Variants in CTNNA3 observed in about 807,000 individuals in gnomAD.
The protein encoded by CTNNA3 is catenin alpha 3.
Under a neutral mutation model 95.7 loss-of-function variants are expected in CTNNA3, and 76 were observed. The ratio of observed to expected loss-of-function variants is 0.79; its 90% CI spans 0.66 to 0.96. The LOEUF (loss-of-function observed/expected upper bound fraction) is 0.96, where lower values mean the gene tolerates loss of function less well. Ranked by LOEUF, CTNNA3 falls within the 40% of genes least tolerant of loss-of-function variation. The pLI is 0.00. For missense variants in CTNNA3, 1,191 were observed against 1,089.8 expected (o/e 1.09, Z -1.31); for synonymous variants, 431 against 374.4 (o/e 1.15, Z -1.74).
At chr10:67,478,317 G>A (rs1172192539) in intron 5 of CTNNA3, among the ~76,000 whole-genome samples, 2 of 152,092 alleles carry the variant, frequency 1.3e-5, no homozygotes, top group African/African-American at 2.4e-5. Flanking sequence ...GACATCTCTA[G>A]CAAGATGTAT....
At chr10:67,759,751 TG>T (rs1156985142) in intron 1 of CTNNA3, among the ~76,000 whole-genome samples, 4 of 152,216 alleles carry the variant, frequency 2.6e-5, no homozygotes. Context: ...ACTACCATGT[TG>T]TGGAAACAGC....
intron 13 of CTNNA3, among the ~76,000 whole-genome samples, chr10:66,248,361 GA>G (rs934297062): frequency 4.4e-4 from 62 of 140,008 alleles, no homozygotes; most frequent in African/African-American, 1.3e-3. Context: ...AAAAAAAACA[GA>G]AAAAAAATAG....
intron 10 of CTNNA3, among the ~76,000 whole-genome samples, chr10:66,554,986 A>G (rs1473467503): frequency 6.6e-6 from 1 of 152,130 alleles, no homozygotes; most frequent in East Asian, 1.9e-4. Context: ...TTAAATAACA[A>G]TTGTAGAAAT....
intron 1 of CTNNA3, among the ~76,000 whole-genome samples, chr10:67,673,097 C>A (rs201694691): frequency 6.6e-6 from 1 of 151,704 alleles, no homozygotes; most frequent in Non-Finnish European, 1.5e-5. Context: ...GTTGGATTCC[C>A]AGGTATTTTA....
At chr10:67,317,171 GT>G (rs60977545) in intron 5 of CTNNA3, among the ~76,000 whole-genome samples, 105,438 of 151,352 alleles carry the variant, frequency 0.7, 41,195 homozygotes, top group Non-Finnish European at 0.88. Flanking sequence ...GTTTTGTTTT[GT>G]TTTTTTCTTT....
chr10:66,360,143 T>C (rs1341010002), intron 12 of CTNNA3, among the ~76,000 whole-genome samples: 2 of 152,114 alleles, frequency 1.3e-5, no homozygotes, highest in Non-Finnish European at 2.9e-5. Context: ...TTACTAAATT[T>C]GTTCAGCATT....
chr10:67,347,514 G>A (rs1244109822), intron 5 of CTNNA3, among the ~76,000 whole-genome samples: 4 of 152,122 alleles, frequency 2.6e-5, no homozygotes, highest in Non-Finnish European at 5.9e-5. Flanking sequence ...TCTGTGCCGT[G>A]TACTACTATG....
At chr10:67,707,818 G>C (rs1287439229) in intron 1 of CTNNA3, among the ~76,000 whole-genome samples, 4 of 152,154 alleles carry the variant, frequency 2.6e-5, no homozygotes, top group African/African-American at 9.7e-5. Context: ...AGCTTCATCA[G>C]AGATTGGTAT....
rs1285102010 is a variant in CTNNA3 at position 66,810,072 on chromosome 10, T to C, written c.1048-34548A>G. 2.0e-5 allele frequency among the ~76,000 whole-genome samples: 3 copies of C among 152,210 alleles called. No individual in the cohort carries two copies. In the East Asian group the frequency reaches 5.8e-4, roughly 29 times the overall value. The stretch of plus-strand genomic sequence containing the variant: ...CACCTGCCTCGGCCTCTCAAAGTGC[T>C]GGGATTGAATTGCAGATTTTTAGCA... On this transcript the variant is annotated intron_variant, in intron 7 of 17. Coordinates refer to ENST00000433211, the MANE Select transcript of CTNNA3 (RefSeq NM_013266.4).
rs1304672469 is a variant in CTNNA3 at position 67,559,274 on chromosome 10, T to C, written c.293-19605A>G. On this transcript the variant is annotated intron_variant, in intron 3 of 17. Transcript: ENST00000433211. The stretch of plus-strand genomic sequence containing the variant: ...CAGACTGACACCTCACACGGCTGGG[T>C]ACCCCTCTGAGACAAAACTTCCAGA... 2.6e-5 allele frequency among the ~76,000 whole-genome samples: 4 copies of C among 152,256 alleles called. No homozygotes were observed. The Middle Eastern group carries it at 0.014, about 518-fold the overall frequency.
chr10:66,482,915 T>C (rs1839590418), intron 11 of CTNNA3, among the ~76,000 whole-genome samples: 1 of 152,122 alleles, frequency 6.6e-6, no homozygotes, highest in African/African-American at 2.4e-5. Context: ...GGTCCAGGGG[T>C]TGTTTCATCC....
chr10:67,670,655 G>A (rs1303142379), intron 1 of CTNNA3, among the ~76,000 whole-genome samples: 17 of 152,138 alleles, frequency 1.1e-4, no homozygotes, highest in Non-Finnish European at 4.4e-5. Flanking sequence ...ATCCCCCTGG[G>A]TCTTGGGTGC....
intron 7 of CTNNA3, among the ~76,000 whole-genome samples, chr10:66,919,015 G>C (rs1039085549): frequency 2.0e-5 from 3 of 151,608 alleles, no homozygotes; most frequent in Non-Finnish European, 4.4e-5. Context: ...GGCACCTGTA[G>C]TCCCAGCTAC....
intron 10 of CTNNA3, 119 bp from the exon 11 acceptor site, chr10:66,520,892 A>T (rs1841042432): frequency 2.3e-6 from 1 of 442,792 alleles, no homozygotes; most frequent in Admixed American, 4.1e-5. Context: ...AGAAATCTGC[A>T]CTTATAATTC....
At chr10:66,406,468 G>T (rs978968888) in intron 11 of CTNNA3, among the ~76,000 whole-genome samples, 15 of 152,134 alleles carry the variant, frequency 9.9e-5, no homozygotes, top group African/African-American at 3.6e-4. Flanking sequence ...AAATGTATAT[G>T]AATTTGTTTT....
At chr10:66,111,458 T>C (rs1177776869) in intron 13 of CTNNA3, among the ~76,000 whole-genome samples, 1 of 152,224 alleles carries the variant, frequency 6.6e-6, no homozygotes, top group Non-Finnish European at 1.5e-5. Context: ...AGTTCCATTA[T>C]AGCCTTCTTA....
chr10:66,645,285 C>A (rs185332456), intron 9 of CTNNA3, among the ~76,000 whole-genome samples: 1 of 152,080 alleles, frequency 6.6e-6, no homozygotes, highest in Non-Finnish European at 1.5e-5. Context: ...AGCCCTAGAT[C>A]CCGAATATTT....
At chr10:66,875,491 A>G (rs907778772) in intron 7 of CTNNA3, among the ~76,000 whole-genome samples, 1 of 152,156 alleles carries the variant, frequency 6.6e-6, no homozygotes, top group Non-Finnish European at 1.5e-5. Context: ...AAATGGCATA[A>G]GAAAAGTGAT....
chr10:66,910,496 A>G (rs746579605), intron 7 of CTNNA3, among the ~76,000 whole-genome samples: 3 of 152,214 alleles, frequency 2.0e-5, no homozygotes, highest in Admixed American at 6.5e-5. Flanking sequence ...ATAGCAACCT[A>G]TAAGATGGCA....
Sources: gnomAD v4.1 joint callset for allele counts (sites outside exome capture counted in the v4.1 genomes callset) on GRCh38, gnomAD v4.1.1 for gene constraint, MANE v1.5 for transcripts, NCBI Gene and HGNC (gene_info 2026-07-23, HGNC 2026-07-21) for gene names.